Variants in FHIT observed in about 807,000 individuals in gnomAD.
FHIT encodes the protein fragile histidine triad diadenosine triphosphatase, also known as bis(5'-adenosyl)-triphosphatase.
Under a neutral mutation model 17.9 loss-of-function variants are expected in FHIT, and 19 were observed. That is an observed-to-expected ratio of 1.06 (90% CI 0.74 to 1.56). The LOEUF (loss-of-function observed/expected upper bound fraction) is 1.56. Ranked by LOEUF, FHIT falls within the 40% of genes most tolerant of loss-of-function variation. The probability of loss-of-function intolerance (pLI) is 0.00; values close to 1 mark genes in which losing one functional copy is unlikely to be tolerated. For missense variants in FHIT, 248 were observed against 189.2 expected (o/e 1.31, Z -1.82); for synonymous variants, 81 against 69.7 (o/e 1.16, Z -0.81).
At chr3:59,812,516 C>T (rs1037025784) in intron 8 of FHIT, among the ~76,000 whole-genome samples, 7 of 152,164 alleles carry the variant, frequency 4.6e-5, no homozygotes, top group Non-Finnish European at 7.3e-5. Flanking sequence ...CCATGGCAAA[C>T]AGTTTAAGAA....
intron 8 of FHIT, among the ~76,000 whole-genome samples, chr3:59,906,623 G>A (rs1430752497): frequency 6.6e-6 from 1 of 152,160 alleles, no homozygotes; most frequent in Non-Finnish European, 1.5e-5. Flanking sequence ...TGGCCTGCGT[G>A]ATTTTCCCAG....
At position 60,367,106 on chromosome 3, in the gene FHIT, G is replaced by A. The variant is rs531895458; in HGVS notation, c.103+169754C>T. On this transcript the variant is annotated intron_variant, in intron 5 of 9. Coordinates refer to ENST00000492590, the MANE Select transcript of FHIT (RefSeq NM_002012.4). ...AATACTCAACTAATCTATAAAATGA[G>A]CTCAACCTTCCCCTAAGAATACTAA... Among the ~76,000 whole-genome samples, 328 of 152,336 alleles carry A rather than the reference G, an allele frequency of 2.2e-3. 1 individual carries two copies. Among genetic ancestry groups the A allele is most frequent in the African/African-American group, 7.5e-3 (312 of 41,582 alleles).
intron 4 of FHIT, among the ~76,000 whole-genome samples, chr3:60,571,363 A>AAAAAAAAAAAAAG (rs2037376968): frequency 7.2e-6 from 1 of 139,292 alleles, no homozygotes; most frequent in African/African-American, 2.6e-5. Flanking sequence ...AAAAAAAAAA[A>AAAAAAAAAAAAAG]GAACAATGAA....
chr3:60,857,343 T>C (rs1334918114), intron 3 of FHIT, among the ~76,000 whole-genome samples: 1 of 152,178 alleles, frequency 6.6e-6, no homozygotes, highest in Non-Finnish European at 1.5e-5. Context: ...TGTTCCATGA[T>C]TTTGTACAAC....
intron 4 of FHIT, among the ~76,000 whole-genome samples, chr3:60,769,920 T>C (rs1021780151): frequency 6.6e-6 from 1 of 152,304 alleles, no homozygotes; most frequent in Non-Finnish European, 1.5e-5. Flanking sequence ...TCTATGAAAT[T>C]GGAAGCTGAA....
chr3:60,455,814 T>C (rs759950800), intron 5 of FHIT, among the ~76,000 whole-genome samples: 17 of 152,188 alleles, frequency 1.1e-4, no homozygotes, highest in South Asian at 8.3e-4. Flanking sequence ...CATTGGTCAG[T>C]GGGGAGAAGT....
intron 1 of FHIT, among the ~76,000 whole-genome samples, chr3:61,216,662 A>AT (rs1373257811): frequency 1.3e-5 from 2 of 152,238 alleles, no homozygotes; most frequent in African/African-American, 4.8e-5. Context: ...CCAAAGGACT[A>AT]TAAATCATGC....
intron 3 of FHIT, among the ~76,000 whole-genome samples, chr3:60,976,724 T>G (rs1394981803): frequency 1.3e-5 from 2 of 152,192 alleles, no homozygotes; most frequent in Non-Finnish European, 2.9e-5. Flanking sequence ...TCCACACCTG[T>G]GTATATAATA....
chr3:59,803,467 G>A (rs1163259465), intron 8 of FHIT, among the ~76,000 whole-genome samples: 2 of 152,212 alleles, frequency 1.3e-5, no homozygotes, highest in African/African-American at 2.4e-5. Context: ...AACGGTCTCC[G>A]AATGTGATTT....
At chr3:61,185,183 T>G (rs1236232891) in intron 2 of FHIT, among the ~76,000 whole-genome samples, 1 of 152,054 alleles carries the variant, frequency 6.6e-6, no homozygotes, top group Non-Finnish European at 1.5e-5. Context: ...CATTCTGGAG[T>G]AGGGTTAAGC....
chr3:60,339,605 C>A (rs77850407), intron 5 of FHIT, among the ~76,000 whole-genome samples: 460 of 152,264 alleles, frequency 3.0e-3, no homozygotes, highest in African/African-American at 0.011. Context: ...ATTTTATTTC[C>A]TGCCTCAGAA....
chr3:60,167,043 C>T (rs530820464), intron 5 of FHIT, among the ~76,000 whole-genome samples: 47 of 152,146 alleles, frequency 3.1e-4, no homozygotes, highest in Non-Finnish European at 5.7e-4. Flanking sequence ...CTCTCCCACC[C>T]CTCGACACTA....
In FHIT at chr3:61,072,404, A is replaced by G. The variant is rs575680403; in HGVS notation, c.-163-30305T>C. On this transcript the variant is annotated intron_variant, in intron 2 of 9. Transcript: ENST00000492590. ...AGGGTATGGTTTGAAATTCTGGCCA[A>G]TCACCAAGTGGGACAATTGTTGGAG... Among the ~76,000 whole-genome samples the G allele has an allele frequency of 1.7e-4, 26 of 152,318 alleles. 1 individual carries two copies. The highest frequency in any genetic ancestry group is 1.7e-3 in the South Asian group (8 of 4,830).
intron 5 of FHIT, among the ~76,000 whole-genome samples, chr3:60,172,074 G>C (rs1355192043): frequency 6.6e-6 from 1 of 152,086 alleles, no homozygotes; most frequent in Non-Finnish European, 1.5e-5. Flanking sequence ...GATTAGTAGG[G>C]GAGACAGGTA....
intron 5 of FHIT, among the ~76,000 whole-genome samples, chr3:60,104,061 T>C (rs1704302950): frequency 6.6e-6 from 1 of 152,192 alleles, no homozygotes; most frequent in Admixed American, 6.5e-5. Flanking sequence ...GCCAGGATTT[T>C]GAGAAGAGTG....
chr3:60,042,257 T>G (rs1701472203), intron 5 of FHIT, among the ~76,000 whole-genome samples: 1 of 152,248 alleles, frequency 6.6e-6, no homozygotes, highest in African/African-American at 2.4e-5. Context: ...AAAAAGCATT[T>G]TGAATGGAAA....
intron 2 of FHIT, among the ~76,000 whole-genome samples, chr3:61,126,709 G>C (rs2036617475): frequency 6.6e-6 from 1 of 152,164 alleles, no homozygotes; most frequent in Non-Finnish European, 1.5e-5. Flanking sequence ...AACTAGTAAA[G>C]TATTTAGCAT....
Position 60,910,412 on chromosome 3 carries a change from T to C in FHIT, c.-110-88401A>G, listed in dbSNP as rs80140577. 2.8e-3 allele frequency among the ~76,000 whole-genome samples: 378 copies of C among 135,918 alleles called. 2 individuals are homozygous for C. Among genetic ancestry groups the C allele is most frequent in the South Asian group, 0.016 (76 of 4,642 alleles). 89.2% of individuals were successfully genotyped at this position (135,918 alleles called of 152,430 possible). On this transcript the variant is annotated intron_variant, in intron 3 of 9. Transcript: ENST00000492590. ...CTTAAGCTTACAGGTCTTTCTCTCTTTTTTTTTTTTTTTTTCCCAGACGGA... is the reference window on the plus strand; with the variant it reads ...CTTAAGCTTACAGGTCTTTCTCTCTCTTTTTTTTTTTTTTTCCCAGACGGA...
chr3:59,786,373 C>G (rs1699295107), intron 8 of FHIT, among the ~76,000 whole-genome samples: 1 of 152,160 alleles, frequency 6.6e-6, no homozygotes, highest in Non-Finnish European at 1.5e-5. Flanking sequence ...TTCTTTCTAC[C>G]TGGAGCTTTA....
Sources: gnomAD v4.1 joint callset for allele counts (sites outside exome capture counted in the v4.1 genomes callset) on GRCh38, gnomAD v4.1.1 for gene constraint, MANE v1.5 for transcripts, NCBI Gene and HGNC (gene_info 2026-07-23, HGNC 2026-07-21) for gene names.